Variants in PTPN12 observed in about 807,000 individuals in gnomAD.
PTPN12 encodes the protein protein tyrosine phosphatase non-receptor type 12, also known as tyrosine-protein phosphatase non-receptor type 12.
PTPN12 carries 29 observed loss-of-function variants against 97.6 expected under a neutral mutation model. That is an observed-to-expected ratio of 0.30 (90% CI 0.22 to 0.41). The LOEUF (loss-of-function observed/expected upper bound fraction) is 0.41. Ranked by LOEUF, PTPN12 falls within the 10% of genes least tolerant of loss-of-function variation. The pLI is 1.00. For synonymous variants in PTPN12, 327 were observed against 300.4 expected (o/e 1.09, Z -0.91); for missense variants, 819 against 926.0 (o/e 0.88, Z 1.50).
intron 10 of PTPN12, 34 bp from the exon 11 acceptor site, chr7:77,610,914 C>T (rs1408206648): frequency 1.3e-6 from 2 of 1,584,996 alleles, no homozygotes; most frequent in Middle Eastern, 1.8e-4. Context: ...ATGTTGTTTT[C>T]ATTTTGTTTT....
intron 12 of PTPN12, among the ~76,000 whole-genome samples, chr7:77,621,658 G>A (rs112289818): frequency 6.7e-6 from 1 of 148,928 alleles, no homozygotes; most frequent in Non-Finnish European, 1.5e-5. Flanking sequence ...GTGACAGAGC[G>A]AGACTCCATC....
intron 6 of PTPN12, among the ~76,000 whole-genome samples, chr7:77,595,375 G>T (rs528114032): frequency 2.2e-4 from 33 of 152,316 alleles, no homozygotes; most frequent in African/African-American, 7.0e-4. Flanking sequence ...ACTGAGAAAT[G>T]ACTGTCTTTT....
chr7:77,552,300 G>GTT (rs71981947), intron 1 of PTPN12, among the ~76,000 whole-genome samples: 106 of 144,974 alleles, frequency 7.3e-4, no homozygotes, highest in Middle Eastern at 3.7e-3. Context: ...TTTAAAGTAT[G>GTT]TTTTTTTTTT....
chr7:77,581,859 A>C (rs1787526182), intron 3 of PTPN12, among the ~76,000 whole-genome samples: 1 of 152,166 alleles, frequency 6.6e-6, no homozygotes, highest in African/African-American at 2.4e-5. Context: ...AATTTTTAAA[A>C]TGATAATATT....
intron 2 of PTPN12, among the ~76,000 whole-genome samples, chr7:77,573,981 G>A (rs899758894): frequency 7.2e-5 from 11 of 152,146 alleles, no homozygotes; most frequent in African/African-American, 2.2e-4. Flanking sequence ...GGCTGCTCTC[G>A]AACTCCTAAC....
rs200443497 is a variant in PTPN12 at position 77,607,322 on chromosome 7, C to T, written c.762+21C>T. ...CTGGGGTAAGAATAATTTTTTGTAG[C>T]ATTATGTTCAATTGATCTATTATGA... On this transcript the variant is annotated intron_variant, in intron 9 of 17. Coordinates refer to ENST00000248594, the MANE Select transcript of PTPN12 (RefSeq NM_002835.4). The T allele has an allele frequency of 3.6e-4, 545 of 1,513,576 alleles. 2 individuals are homozygous for T. Among genetic ancestry groups the T allele is most frequent in the South Asian group, 2.3e-4 (20 of 88,132 alleles). The allele number at this position is 1,513,576 out of a possible 1,614,324, so 93.8% of individuals were successfully genotyped here. A position where few individuals can be genotyped will look rare whatever the true frequency, so the allele number is the denominator to read the frequency against.
chr7:77,574,939 C>G (rs1787291897), intron 2 of PTPN12, among the ~76,000 whole-genome samples: 1 of 151,810 alleles, frequency 6.6e-6, no homozygotes. Context: ...TTAAGCAATT[C>G]TCGTGCCTCA....
At chr7:77,577,011 C>A (rs1304974562) in intron 2 of PTPN12, among the ~76,000 whole-genome samples, 1 of 152,144 alleles carries the variant, frequency 6.6e-6, no homozygotes, top group African/African-American at 2.4e-5. Context: ...GCTTTTAGGC[C>A]TTTTCAGTGG....
intron 12 of PTPN12, among the ~76,000 whole-genome samples, chr7:77,622,654 C>T (rs149923810): frequency 0.022 from 3,107 of 143,090 alleles, 104 homozygotes; most frequent in African/African-American, 0.074. Flanking sequence ...GCCTGTAGTC[C>T]CAGCTACTCA....
At chr7:77,629,421 A>G (rs1789319040) in intron 13 of PTPN12, among the ~76,000 whole-genome samples, 3 of 152,214 alleles carry the variant, frequency 2.0e-5, no homozygotes, top group African/African-American at 4.8e-5. Flanking sequence ...AATTTGAAAT[A>G]TAACTGCCCA....
chr7:77,563,845 A>T (rs529769366), intron 1 of PTPN12: 1 of 297,282 alleles, frequency 3.4e-6, no homozygotes, highest in East Asian at 1.2e-4. Flanking sequence ...AAAGGTAGAC[A>T]TTGCAGTTGT....
intron 1 of PTPN12, among the ~76,000 whole-genome samples, chr7:77,544,399 A>G (rs975394357): frequency 7.9e-5 from 12 of 152,210 alleles, no homozygotes; most frequent in Non-Finnish European, 1.6e-4. Context: ...AAACATATTT[A>G]CATCAACTAA....
intron 1 of PTPN12, among the ~76,000 whole-genome samples, chr7:77,550,759 A>T (rs897183413): frequency 6.6e-6 from 1 of 152,210 alleles, no homozygotes; most frequent in African/African-American, 2.4e-5. Flanking sequence ...TTTTTCTGCT[A>T]AAGATTTGGC....
chr7:77,631,178 T>C (rs1447267185), intron 13 of PTPN12, among the ~76,000 whole-genome samples: 1 of 152,158 alleles, frequency 6.6e-6, no homozygotes, highest in Non-Finnish European at 1.5e-5. Context: ...CTACCACTAC[T>C]GGATAAGGTA....
At chr7:77,636,511 G>A (rs1789598529) in intron 15 of PTPN12, among the ~76,000 whole-genome samples, 1 of 152,114 alleles carries the variant, frequency 6.6e-6, no homozygotes, top group Non-Finnish European at 1.5e-5. Context: ...GGGCCCCAGA[G>A]GTCAAGGCTG....
chr7:77,624,532 C>T (rs1789064672), intron 12 of PTPN12, among the ~76,000 whole-genome samples: 1 of 151,886 alleles, frequency 6.6e-6, no homozygotes, highest in Non-Finnish European at 1.5e-5. Flanking sequence ...CTCTGCCTCC[C>T]GAATTCAAGT....
At position 77,632,386 on chromosome 7, in the gene PTPN12, G is replaced by C; in HGVS notation, c.2035G>C (p.Glu679Gln). 6.2e-7 allele frequency: 1 copy of C among 1,611,622 alleles called. No homozygotes were observed. Among genetic ancestry groups the C allele is most frequent in the Non-Finnish European group, 8.5e-7 (1 of 1,177,896 alleles). The part of the protein sequence containing the change: ...VSEDSPPPLP[E>Q]RTPESFVLAS... The stretch of plus-strand genomic sequence containing the variant: ...TGAAGATTCACCTCCTCCCCTACCT[G>C]AAAGAACTCCTGAATCGTTTGTGTT... Residue 679 changes from glutamate to glutamine, a missense_variant, in exon 14 of 18, where the codon GAA becomes CAA. Physicochemically the swap from Glu to Gln is conservative, Grantham distance 29. Coordinates refer to ENST00000248594, the MANE Select transcript of PTPN12 (RefSeq NM_002835.4).
At chr7:77,537,943 C>T (rs1401765601) in intron 1 of PTPN12, 11 of 728,982 alleles carry the variant, frequency 1.5e-5, no homozygotes, top group Non-Finnish European at 3.5e-6. Flanking sequence ...CTATTGTTTA[C>T]CGGGCCGGGA....
chr7:77,611,281 C>T (rs1788560547), intron 11 of PTPN12, among the ~76,000 whole-genome samples: 1 of 152,128 alleles, frequency 6.6e-6, no homozygotes, highest in South Asian at 2.1e-4. Flanking sequence ...GGAAAGATCT[C>T]ATGTCAAAAA....
Sources: gnomAD v4.1 joint callset for allele counts (sites outside exome capture counted in the v4.1 genomes callset) on GRCh38, gnomAD v4.1.1 for gene constraint, MANE v1.5 for transcripts, NCBI Gene and HGNC (gene_info 2026-07-23, HGNC 2026-07-21) for gene names.